The following HS6ST2 variants were observed in gnomAD, a reference collection of about 807,000 sequenced individuals.
The protein encoded by HS6ST2 is heparan-sulfate 6-O-sulfotransferase 2.
A neutral mutation model predicts 33.0 loss-of-function variants in HS6ST2; 17 were observed. The observed-to-expected ratio is 0.52, with a 90% CI of 0.35 to 0.77. The LOEUF is 0.77. HS6ST2 is among the 30% of genes least tolerant of loss of function. HS6ST2 has a pLI of 0.01. For synonymous variants in HS6ST2, 248 were observed against 237.1 expected, an observed-to-expected ratio of 1.05 and a Z score of -0.42; for missense variants, 519 against 551.7, an observed-to-expected ratio of 0.94 and a Z score of 0.59.
chrX:132,634,959 AC>A (rs1311996421), intron 4 of HS6ST2, among the ~76,000 whole-genome samples: 1 of 111,344 alleles, frequency 9.0e-6, no homozygotes, highest in Admixed American at 9.6e-5. Flanking sequence ...AAACCATCTC[AC>A]AGTGGATCCT....
At chrX:132,799,748 C>T (rs1442889664) in intron 2 of HS6ST2, among the ~76,000 whole-genome samples, 1 of 111,086 alleles carries the variant, frequency 9.0e-6, no homozygotes, top group East Asian at 2.8e-4. Flanking sequence ...GTATGTATGT[C>T]ATGATAACCT....
At chrX:132,878,170 C>T (rs776004074) in intron 2 of HS6ST2, among the ~76,000 whole-genome samples, 1 of 111,877 alleles carries the variant, frequency 8.9e-6, no homozygotes, top group South Asian at 3.8e-4. Flanking sequence ...GTGAAGAGGG[C>T]AGAATTTATT....
At chrX:132,648,537 A>AC (rs1164290119) in intron 4 of HS6ST2, among the ~76,000 whole-genome samples, 1 of 81,674 alleles carries the variant, frequency 1.2e-5, no homozygotes, top group African/African-American at 6.0e-5. Flanking sequence ...GTGGAAAGAG[A>AC]CAAAAAAAAA....
intron 2 of HS6ST2, among the ~76,000 whole-genome samples, chrX:132,926,429 C>G (rs954684819): frequency 8.9e-6 from 1 of 111,918 alleles, no homozygotes; most frequent in Non-Finnish European, 1.9e-5. Flanking sequence ...GCATGGCCTT[C>G]TCTTGTCAAT....
intron 2 of HS6ST2, among the ~76,000 whole-genome samples, chrX:132,890,355 T>C: frequency 9.2e-6 from 1 of 108,320 alleles, no homozygotes; most frequent in South Asian, 4.4e-4. Context: ...GGCTCATAAG[T>C]GCTCAGGTCT....
At chrX:132,681,866 A>G (rs1389476028) in intron 3 of HS6ST2, among the ~76,000 whole-genome samples, 2 of 112,216 alleles carry the variant, frequency 1.8e-5, no homozygotes. Context: ...TCTCTATACT[A>G]AGCACTTTAA....
At chrX:132,794,671 C>T (rs1188420455) in intron 2 of HS6ST2, among the ~76,000 whole-genome samples, 1 of 110,572 alleles carries the variant, frequency 9.0e-6, no homozygotes, top group African/African-American at 3.3e-5. Context: ...GCAATCCACC[C>T]ACCTCGGCCT....
Position 132,944,784 on chromosome X carries a change from GA to G in HS6ST2, c.947+12023del, listed in dbSNP as rs2148498171. ...TTCCCTATTTAATAAATGGTGCTGG[GA>G]AAACTGGCTAGCCATATGTAGAAAG... On this transcript the variant is annotated intron_variant, in intron 2 of 4. Coordinates refer to ENST00000370833, the MANE Select transcript of HS6ST2 (RefSeq NM_001394073.1). Among the ~76,000 whole-genome samples, 3 of 110,311 alleles carry G rather than the reference GA, an allele frequency of 2.7e-5. No homozygotes were observed. In the South Asian group the frequency reaches 1.2e-3, roughly 43 times the overall value.
chrX:132,674,039 C>T (rs983561151), intron 3 of HS6ST2, among the ~76,000 whole-genome samples: 8 of 111,321 alleles, frequency 7.2e-5, no homozygotes, highest in South Asian at 3.8e-4. Context: ...TTCTTTTGCC[C>T]GAGGTGTCTA....
intron 2 of HS6ST2, among the ~76,000 whole-genome samples, chrX:132,916,757 A>G (rs1458057384): frequency 8.9e-6 from 1 of 111,919 alleles, no homozygotes; most frequent in African/African-American, 3.2e-5. Flanking sequence ...AAGGGCTCTC[A>G]GGCCTTCAGC....
At chrX:132,911,716 C>T (rs1310870449) in intron 2 of HS6ST2, among the ~76,000 whole-genome samples, 1 of 102,619 alleles carries the variant, frequency 9.7e-6, no homozygotes, top group Non-Finnish European at 1.9e-5. Context: ...CGGCTCACTG[C>T]AAGCTCCACC....
intron 2 of HS6ST2, among the ~76,000 whole-genome samples, chrX:132,751,580 G>A (rs948087942): frequency 6.3e-5 from 7 of 111,953 alleles, no homozygotes; most frequent in African/African-American, 2.3e-4. Context: ...ACTTTCTTCT[G>A]GAAACCCTTT....
At chrX:132,921,196 G>C (rs1362414475) in intron 2 of HS6ST2, among the ~76,000 whole-genome samples, 1 of 112,213 alleles carries the variant, frequency 8.9e-6, no homozygotes, top group Non-Finnish European at 1.9e-5. Flanking sequence ...ATAAGGTAGA[G>C]ACCAGGGTCT....
At chrX:132,748,476 A>G (rs1454621407) in intron 2 of HS6ST2, among the ~76,000 whole-genome samples, 1 of 112,352 alleles carries the variant, frequency 8.9e-6, no homozygotes, top group Non-Finnish European at 1.9e-5. Context: ...GAAGGTGGCT[A>G]CATACCAACC....
At chrX:132,667,200 A>C (rs1035557394) in intron 4 of HS6ST2, among the ~76,000 whole-genome samples, 2 of 112,079 alleles carry the variant, frequency 1.8e-5, no homozygotes, top group Non-Finnish European at 3.8e-5. Flanking sequence ...GGAGAGGACT[A>C]AGAGGAGGAG....
chrX:132,823,853 A>AAAAAATAATAAT (rs774177926), intron 2 of HS6ST2, among the ~76,000 whole-genome samples: 30 of 92,542 alleles, frequency 3.2e-4, no homozygotes, highest in African/African-American at 3.6e-4. Flanking sequence ...ACTTCATAAA[A>AAAAAATAATAAT]AATAATAATA....
intron 2 of HS6ST2, among the ~76,000 whole-genome samples, chrX:132,918,770 C>T (rs1479424886): frequency 1.7e-4 from 19 of 111,619 alleles, no homozygotes; most frequent in Non-Finnish European, 3.4e-4. Context: ...GTTCTAAATA[C>T]AATTGGCAGG....
chrX:132,895,520 G>A (rs185574537), intron 2 of HS6ST2, among the ~76,000 whole-genome samples: 188 of 110,696 alleles, frequency 1.7e-3, no homozygotes, highest in African/African-American at 6.1e-3. Flanking sequence ...CTTTTCATTT[G>A]TATATTTGTG....
At chrX:132,959,642 A>G (rs1417942740), upstream of HS6ST2, among the ~76,000 whole-genome samples, 1 of 112,314 alleles carries the variant, frequency 8.9e-6, no homozygotes, top group East Asian at 2.8e-4. Flanking sequence ...TGAAGCGGCA[A>G]GCCTAAGAAT....
Sources: gnomAD v4.1 joint callset for allele counts (sites outside exome capture counted in the v4.1 genomes callset) on GRCh38, gnomAD v4.1.1 for gene constraint, MANE v1.5 for transcripts, NCBI Gene and HGNC (gene_info 2026-07-23, HGNC 2026-07-21) for gene names.